Variants in HPSE2 observed in about 807,000 individuals in gnomAD.
HPSE2 encodes the protein heparanase 2 (inactive).
A neutral mutation model predicts 60.5 loss-of-function variants in HPSE2; 38 were observed. The observed-to-expected ratio is 0.63, with a 90% CI of 0.48 to 0.82. HPSE2 has a LOEUF of 0.82. Among genes scored for constraint, HPSE2 ranks in the 40% least tolerant of loss-of-function variants. The pLI is 0.00. For missense variants in HPSE2, 713 were observed against 740.4 expected (o/e 0.96, Z 0.43); for synonymous variants, 295 against 293.2 (o/e 1.01, Z -0.06).
chr10:98,952,715 T>C (rs758460817), intron 3 of HPSE2, among the ~76,000 whole-genome samples: 1 of 152,132 alleles, frequency 6.6e-6, no homozygotes, highest in East Asian at 1.9e-4. Flanking sequence ...GGTGCTAGTA[T>C]GGTAGGGTTC....
At chr10:98,632,539 A>G (rs1437461719) in intron 7 of HPSE2, among the ~76,000 whole-genome samples, 2 of 152,088 alleles carry the variant, frequency 1.3e-5, no homozygotes, top group African/African-American at 2.4e-5. Flanking sequence ...AGACTCCCCA[A>G]CTATAATATT....
At chr10:99,146,808 C>T (rs1426798810) in intron 2 of HPSE2, among the ~76,000 whole-genome samples, 1 of 152,106 alleles carries the variant, frequency 6.6e-6, no homozygotes, top group African/African-American at 2.4e-5. Flanking sequence ...TTGCAGTGAG[C>T]CGAGATCGTA....
At position 98,942,795 on chromosome 10, in the gene HPSE2, G is replaced by A. The variant is rs536137855; in HGVS notation, c.611-198739C>T. Among the ~76,000 whole-genome samples the A allele has an allele frequency of 3.4e-3, 517 of 151,804 alleles. 6 individuals are homozygous for A. The highest frequency in any genetic ancestry group is 3.5e-3 in the Non-Finnish European group (236 of 67,960). On this transcript the variant is annotated intron_variant, in intron 3 of 11. Coordinates refer to ENST00000370552, the MANE Select transcript of HPSE2 (RefSeq NM_021828.5). The stretch of plus-strand genomic sequence containing the variant: ...ATACATGCACACGTATGTTTATTGC[G>A]GCACTATTCACAATAGCAAAGACTT...
intron 5 of HPSE2, among the ~76,000 whole-genome samples, chr10:98,705,809 C>T (rs115678741): frequency 0.013 from 2,043 of 151,978 alleles, 37 homozygotes; most frequent in African/African-American, 0.046. Context: ...TAATGCATGC[C>T]GGGCTTAAAA....
chr10:99,212,432 A>C (rs1466975198), intron 2 of HPSE2, among the ~76,000 whole-genome samples: 1 of 152,162 alleles, frequency 6.6e-6, no homozygotes, highest in Non-Finnish European at 1.5e-5. Flanking sequence ...CAGATAAATA[A>C]AGAAAATGTG....
At chr10:99,119,556 C>G (rs1365869923) in intron 3 of HPSE2, among the ~76,000 whole-genome samples, 1 of 152,158 alleles carries the variant, frequency 6.6e-6, no homozygotes, top group Non-Finnish European at 1.5e-5. Flanking sequence ...CTTTAAACTA[C>G]CAATGGCATT....
chr10:99,155,211 A>T (rs11498743), intron 2 of HPSE2, among the ~76,000 whole-genome samples: 4,987 of 143,570 alleles, frequency 0.035, 218 homozygotes, highest in African/African-American at 0.11. Context: ...GAAAGTCAAC[A>T]AGGATACCCA....
chr10:98,866,071 AT>A (rs1952580217), intron 3 of HPSE2, among the ~76,000 whole-genome samples: 1 of 152,182 alleles, frequency 6.6e-6, no homozygotes, highest in Non-Finnish European at 1.5e-5. Context: ...GATATGAAAA[AT>A]AATCAATTAA....
At chr10:98,892,721 T>TA (rs1354111215) in intron 3 of HPSE2, among the ~76,000 whole-genome samples, 1 of 152,202 alleles carries the variant, frequency 6.6e-6, no homozygotes, top group Admixed American at 6.5e-5. Flanking sequence ...TAAATTGCCT[T>TA]ATGACAAGTC....
At chr10:98,960,717 T>TA (rs1324199131) in intron 3 of HPSE2, among the ~76,000 whole-genome samples, 32 of 21,904 alleles carry the variant, frequency 1.5e-3, no homozygotes, top group African/African-American at 3.2e-3. Context: ...TTTTTTTTTT[T>TA]TTTGTTTTAT....
intron 3 of HPSE2, among the ~76,000 whole-genome samples, chr10:99,100,052 C>T (rs187714336): frequency 3.2e-4 from 49 of 152,268 alleles, no homozygotes; most frequent in Non-Finnish European, 5.9e-4. Context: ...AAAAACAGAG[C>T]AGAAAAGCTG....
intron 3 of HPSE2, among the ~76,000 whole-genome samples, chr10:98,942,359 A>G (rs1955034755): frequency 6.9e-6 from 1 of 144,464 alleles, no homozygotes; most frequent in African/African-American, 2.8e-5. Context: ...TCCAGAATCT[A>G]CAATGAACTC....
intron 3 of HPSE2, among the ~76,000 whole-genome samples, chr10:99,062,099 T>C (rs919289519): frequency 6.6e-6 from 1 of 152,238 alleles, no homozygotes; most frequent in Non-Finnish European, 1.5e-5. Flanking sequence ...TAACTCATAC[T>C]GCTTATGAGT....
chr10:98,657,693 CT>C (rs1330744004), intron 6 of HPSE2, among the ~76,000 whole-genome samples: 1 of 152,138 alleles, frequency 6.6e-6, no homozygotes, highest in Admixed American at 6.5e-5. Context: ...GCTCTGTTCT[CT>C]TATTAAGTTT....
At chr10:98,831,421 A>G (rs1331215737) in intron 3 of HPSE2, among the ~76,000 whole-genome samples, 3 of 152,166 alleles carry the variant, frequency 2.0e-5, no homozygotes, top group Admixed American at 6.5e-5. Flanking sequence ...CTTCCCCCCA[A>G]TATTTATTGA....
the HPSE2 span, among the ~76,000 whole-genome samples, chr10:99,271,528 C>T: frequency 6.6e-6 from 1 of 152,310 alleles, no homozygotes; most frequent in South Asian, 2.1e-4. Flanking sequence ...ATCCCATGCT[C>T]ATGGATGGGT....
chr10:99,132,824 C>T (rs974348937), intron 3 of HPSE2, among the ~76,000 whole-genome samples: 4 of 152,158 alleles, frequency 2.6e-5, no homozygotes, highest in African/African-American at 7.2e-5. Flanking sequence ...GGGCAGATAA[C>T]GAATTAGGTG....
chr10:99,018,176 C>G (rs1807758081), intron 3 of HPSE2, among the ~76,000 whole-genome samples: 1 of 152,166 alleles, frequency 6.6e-6, no homozygotes, highest in African/African-American at 2.4e-5. Context: ...AAAACTCTAG[C>G]AGCTTAATCA....
intron 3 of HPSE2, among the ~76,000 whole-genome samples, chr10:99,025,226 T>C (rs1269240942): frequency 6.6e-6 from 1 of 152,158 alleles, no homozygotes; most frequent in East Asian, 1.9e-4. Context: ...CTCCTTTGTT[T>C]GTTTATGCAA....
Sources: allele counts gnomAD v4.1 joint callset (sites outside exome capture counted in the v4.1 genomes callset), GRCh38; gene constraint gnomAD v4.1.1; transcripts MANE v1.5; gene names NCBI Gene and HGNC (gene_info 2026-07-23, HGNC 2026-07-21).